PDE12: variants seen among roughly 807,000 people sequenced by gnomAD.
The protein encoded by PDE12 is 2',5'-phosphodiesterase 12.
In PDE12, 26 loss-of-function variants were observed where a neutral mutation model predicts 45.4. That is an observed-to-expected ratio of 0.57 (90% CI 0.42 to 0.79). The LOEUF (loss-of-function observed/expected upper bound fraction) is 0.79. Ranked by LOEUF, PDE12 falls within the 30% of genes least tolerant of loss-of-function variation. The pLI is 0.00. For synonymous variants in PDE12, 283 were observed against 323.9 expected, an observed-to-expected ratio of 0.87 and a Z score of 1.36; for missense variants, 668 against 790.0, an observed-to-expected ratio of 0.85 and a Z score of 1.85.
chr3:57,605,978 G>C, the PDE12 span, among the ~76,000 whole-genome samples: 2 of 152,110 alleles, frequency 1.3e-5, no homozygotes, highest in African/African-American at 2.4e-5. Context: ...GAAAAATGAA[G>C]AGCATTAGTG....
chr3:57,654,312 T>A, the PDE12 span, among the ~76,000 whole-genome samples: 1 of 152,138 alleles, frequency 6.6e-6, no homozygotes, highest in African/African-American at 2.4e-5. Context: ...AGATATAGTA[T>A]GTTATTATAA....
chr3:57,619,715 G>C, the PDE12 span: 2 of 151,864 alleles, frequency 1.3e-5, no homozygotes, highest in Non-Finnish European at 2.9e-5. Flanking sequence ...AGCTGGGCGT[G>C]GTGGTGGGCC....
downstream of PDE12, among the ~76,000 whole-genome samples, chr3:57,569,623 C>T (rs1198775911): frequency 2.0e-5 from 3 of 151,806 alleles, no homozygotes; most frequent in East Asian, 5.8e-4. Flanking sequence ...CCCAAAGTGC[C>T]AGGATTACAG....
the PDE12 span, chr3:57,630,622 A>AT: frequency 6.5e-7 from 1 of 1,528,572 alleles, no homozygotes; most frequent in Non-Finnish European, 8.8e-7. Context: ...CTTTAGTAGA[A>AT]TTTTTTAAAA....
At chr3:57,651,360 A>T in the PDE12 span, among the ~76,000 whole-genome samples, 1 of 152,204 alleles carries the variant, frequency 6.6e-6, no homozygotes, top group Non-Finnish European at 1.5e-5. Context: ...GATTCATGAT[A>T]CTGCACAGAT....
At chr3:57,607,798 G>A in the PDE12 span, among the ~76,000 whole-genome samples, 1 of 152,138 alleles carries the variant, frequency 6.6e-6, no homozygotes, top group Non-Finnish European at 1.5e-5. Flanking sequence ...ATGGAGCCAC[G>A]TTGGAAAACA....
the PDE12 span, among the ~76,000 whole-genome samples, chr3:57,649,407 A>T: frequency 6.6e-6 from 1 of 152,042 alleles, no homozygotes; most frequent in Non-Finnish European, 1.5e-5. Flanking sequence ...CTGTTGGTAG[A>T]AATGTAAACT....
the PDE12 span, chr3:57,577,427 G>T: frequency 1.3e-6 from 2 of 1,511,440 alleles, no homozygotes; most frequent in Non-Finnish European, 1.8e-6. Context: ...ACAGTTAAAC[G>T]ACACTCTCTA....
chr3:57,643,826 CAAA>C, the PDE12 span, among the ~76,000 whole-genome samples: 1 of 94,170 alleles, frequency 1.1e-5, no homozygotes. Context: ...GACTCTGTCT[CAAA>C]AAAAAAAAAA....
At chr3:57,571,419 A>G (rs1032406324), downstream of PDE12, 1 of 152,762 alleles carries the variant, frequency 6.5e-6, no homozygotes, top group East Asian at 1.9e-4. Flanking sequence ...AAGAAAATGT[A>G]TTCATCGAAT....
At chr3:57,645,714 A>T in the PDE12 span, 1 of 1,613,566 alleles carries the variant, frequency 6.2e-7, no homozygotes, top group Non-Finnish European at 8.5e-7. Flanking sequence ...GAATAGTGAA[A>T]TAAGGTCGGA....
At chr3:57,604,662 G>T in the PDE12 span, among the ~76,000 whole-genome samples, 1 of 144,896 alleles carries the variant, frequency 6.9e-6, no homozygotes, top group Non-Finnish European at 1.5e-5. Flanking sequence ...ACCCAGGCTG[G>T]AATGCAGTGG....
chr3:57,631,103 T>G, the PDE12 span: 4 of 747,222 alleles, frequency 5.4e-6, no homozygotes, highest in African/African-American at 1.8e-5. Flanking sequence ...AACAACTCCA[T>G]CACTCCCCAC....
the PDE12 span, among the ~76,000 whole-genome samples, chr3:57,618,607 G>GTTTTTTT: frequency 0.027 from 2,173 of 79,230 alleles, 145 homozygotes; most frequent in Middle Eastern, 0.056. Context: ...TTGCTTTTGT[G>GTTTTTTT]TTTTTTTTTT....
chr3:57,589,033 C>T, the PDE12 span, among the ~76,000 whole-genome samples: 3 of 150,872 alleles, frequency 2.0e-5, no homozygotes, highest in Non-Finnish European at 4.4e-5. Flanking sequence ...ACCTGAGAGG[C>T]GGAGGTCGCA....
chr3:57,650,425 C>T, the PDE12 span, among the ~76,000 whole-genome samples: 2 of 133,652 alleles, frequency 1.5e-5, no homozygotes, highest in African/African-American at 6.2e-5. Flanking sequence ...TTTACATACA[C>T]ACACACACAC....
At chr3:57,597,307 G>A in the PDE12 span, 3 of 630,950 alleles carry the variant, frequency 4.8e-6, no homozygotes, top group South Asian at 5.8e-5. Context: ...TGAAGATCCG[G>A]CACAGGAATA....
the PDE12 span, among the ~76,000 whole-genome samples, chr3:57,604,849 G>A: frequency 1.3e-5 from 2 of 151,868 alleles, no homozygotes; most frequent in Admixed American, 6.6e-5. Flanking sequence ...CTGGCTTCAA[G>A]CAATCCTCCC....
chr3:57,576,753 A>T, the PDE12 span, among the ~76,000 whole-genome samples: 1 of 151,858 alleles, frequency 6.6e-6, no homozygotes, highest in Admixed American at 6.6e-5. Context: ...GAACACATGA[A>T]AACATTAATC....
Sources: gnomAD v4.1 joint callset for allele counts (sites outside exome capture counted in the v4.1 genomes callset) on GRCh38, gnomAD v4.1.1 for gene constraint, MANE v1.5 for transcripts, NCBI Gene and HGNC (gene_info 2026-07-23, HGNC 2026-07-21) for gene names.